The following RIPOR2 variants were observed in gnomAD, a reference collection of about 807,000 sequenced individuals.
The protein encoded by RIPOR2 is RHO family interacting cell polarization regulator 2.
A neutral mutation model predicts 114.5 loss-of-function variants in RIPOR2; 39 were observed. The observed-to-expected ratio is 0.34, with a 90% CI of 0.26 to 0.44. RIPOR2 has a LOEUF of 0.44. RIPOR2 is among the 20% of genes least tolerant of loss of function. The pLI, the probability that RIPOR2 is intolerant of heterozygous loss-of-function variation, is 1.00. For synonymous variants in RIPOR2, 445 were observed against 484.4 expected (o/e 0.92, Z 1.07); for missense variants, 1,007 against 1,255.1 (o/e 0.80, Z 2.99).
intron 1 of RIPOR2, among the ~76,000 whole-genome samples, chr6:25,004,942 T>C (rs539871155): frequency 6.6e-6 from 1 of 151,506 alleles, no homozygotes; most frequent in East Asian, 1.9e-4. Context: ...AAATATGTTA[T>C]GATCTGAATC....
chr6:24,908,208 C>A (rs1038486143), intron 1 of RIPOR2, among the ~76,000 whole-genome samples: 1 of 152,184 alleles, frequency 6.6e-6, no homozygotes, highest in Non-Finnish European at 1.5e-5. Context: ...GAGGGGCACC[C>A]ATTGTGTAAA....
intron 4 of RIPOR2, 115 bp from the exon 5 acceptor site, chr6:24,871,004 C>T (rs762524379): frequency 1.8e-6 from 1 of 570,344 alleles, no homozygotes; most frequent in African/African-American, 1.9e-5. Context: ...ATGATCATCC[C>T]TACAAAATTC....
At chr6:25,038,147 T>C (rs1777328578) in intron 1 of RIPOR2, among the ~76,000 whole-genome samples, 1 of 152,214 alleles carries the variant, frequency 6.6e-6, no homozygotes, top group South Asian at 2.1e-4. Context: ...AAAATTCTCA[T>C]AATAAAAAGT....
At position 25,035,423 on chromosome 6, in the gene RIPOR2, C is replaced by A. The variant is rs553581558; in HGVS notation, c.76+6428G>T. On this transcript the variant is annotated intron_variant, in intron 1 of 13. Coordinates refer to the RIPOR2 transcript ENST00000510784. ...TCCACTTCAGAGCAGAGAAGCCCAG[C>A]CTGAAGCCTAAAATCGCAGCACAAG... 2.0e-5 allele frequency among the ~76,000 whole-genome samples: 3 copies of A among 152,274 alleles called. No individual in the cohort carries two copies. The East Asian group carries it at 5.8e-4, about 29-fold the overall frequency.
intron 14 of RIPOR2, among the ~76,000 whole-genome samples, 170 bp downstream of exon 14, chr6:24,838,921 G>A (rs188180584): frequency 1.3e-5 from 2 of 152,012 alleles, no homozygotes; most frequent in Non-Finnish European, 2.9e-5. Context: ...GAATAATATT[G>A]ACCCTTTTAT....
At chr6:24,947,417 C>T (rs552629080) in intron 1 of RIPOR2, among the ~76,000 whole-genome samples, 1 of 152,286 alleles carries the variant, frequency 6.6e-6, no homozygotes, top group African/African-American at 2.4e-5. Flanking sequence ...GAAGGCTCAA[C>T]CCTGAATGTA....
rs151280013 is a variant in RIPOR2, at chr6:24,884,671, A to G, written c.62-8854T>C. On this transcript the variant is annotated intron_variant, in intron 1 of 21. Transcript: ENST00000643898. ...AAGTCCTAAACTCAGTGAACCTCAC[A>G]CTGTATCTGTAGAGTAAAGGAAGTA... Among the ~76,000 whole-genome samples, 370 of 152,330 alleles carry G rather than the reference A, an allele frequency of 2.4e-3. 1 individual carries two copies. The highest frequency in any genetic ancestry group is 8.5e-3 in the African/African-American group (354 of 41,576).
intron 1 of RIPOR2, among the ~76,000 whole-genome samples, chr6:24,998,121 T>C (rs969357808): frequency 1.3e-5 from 2 of 152,068 alleles, no homozygotes; most frequent in African/African-American, 4.8e-5. Context: ...TAGCCCACAC[T>C]CTTAAACTGC....
Position 24,804,320 on chromosome 6 carries a change from C to T in RIPOR2, c.*2053G>A, listed in dbSNP as rs2113604012. ...CAAAAATAATTTTTATTTTAACTTA[C>T]ATGACTGAAAGATCAATGAATACAA... On this transcript the variant is annotated 3_prime_UTR_variant, in exon 22 of 22. Coordinates refer to ENST00000643898, the MANE Select transcript of RIPOR2 (RefSeq NM_001286445.3). 6.6e-6 allele frequency: 1 copy of T among 152,246 alleles called. No individual in the cohort carries two copies. Among genetic ancestry groups the T allele is most frequent in the South Asian group, 2.1e-4 (1 of 4,824 alleles). The allele number at this position is 152,246 out of a possible 1,614,324, so 9.4% of individuals were successfully genotyped here. A position where few individuals can be genotyped will look rare whatever the true frequency, so the allele number is the denominator to read the frequency against.
chr6:24,944,631 A>C (rs1303963487), intron 1 of RIPOR2, among the ~76,000 whole-genome samples: 2 of 152,358 alleles, frequency 1.3e-5, no homozygotes, highest in East Asian at 3.9e-4. Context: ...TCCCTAATGA[A>C]GCCCAGAAGA....
At chr6:24,875,648 C>T in intron 2 of RIPOR2, 43 bp downstream of exon 2, 1 of 1,584,130 alleles carries the variant, frequency 6.3e-7, no homozygotes, top group Non-Finnish European at 8.6e-7. Context: ...AAGTTCACTT[C>T]CTTGGCAAGC....
intron 1 of RIPOR2, among the ~76,000 whole-genome samples, chr6:24,879,576 C>T (rs1283011580): frequency 1.3e-5 from 2 of 152,044 alleles, no homozygotes; most frequent in African/African-American, 4.8e-5. Context: ...AAAACAAGCA[C>T]GCACACACAC....
At chr6:24,864,598 A>G (rs1256460258) in intron 7 of RIPOR2, among the ~76,000 whole-genome samples, 1 of 152,172 alleles carries the variant, frequency 6.6e-6, no homozygotes, top group East Asian at 1.9e-4. Flanking sequence ...TGGGATAGTG[A>G]GGAGTGCTGC....
At chr6:24,951,478 T>TA (rs1772760154) in intron 1 of RIPOR2, among the ~76,000 whole-genome samples, 1 of 152,230 alleles carries the variant, frequency 6.6e-6, no homozygotes, top group African/African-American at 2.4e-5. Flanking sequence ...AAGACTTCCG[T>TA]AAAAGGATCC....
At chr6:24,879,887 T>C (rs1766190011) in intron 1 of RIPOR2, among the ~76,000 whole-genome samples, 1 of 152,206 alleles carries the variant, frequency 6.6e-6, no homozygotes, top group Non-Finnish European at 1.5e-5. Context: ...TGTCCCCAGC[T>C]TTCAGAAAAA....
intron 1 of RIPOR2, among the ~76,000 whole-genome samples, chr6:25,022,532 ATTTTTTTTTTTTTTTTTTTTTTTTTT>A (rs10564019): frequency 1.7e-4 from 7 of 40,950 alleles, no homozygotes; most frequent in Non-Finnish European, 2.4e-4. Flanking sequence ...GGTACCTTCC[ATTTTTTTTTTTTTTTTTTTTTTTTTT>A]TTTTTTTTTT....
At chr6:24,868,454 T>C (rs1384059363) in intron 6 of RIPOR2, among the ~76,000 whole-genome samples, 1 of 152,154 alleles carries the variant, frequency 6.6e-6, no homozygotes, top group Admixed American at 6.5e-5. Flanking sequence ...AGGTAAATAT[T>C]TTCTAGGTGG....
At chr6:24,987,875 A>ACCAGGC (rs1409272911) in intron 1 of RIPOR2, among the ~76,000 whole-genome samples, 1 of 152,218 alleles carries the variant, frequency 6.6e-6, no homozygotes, top group Non-Finnish European at 1.5e-5. Context: ...TAAAAAATAA[A>ACCAGGC]CCAGGCCTAT....
At chr6:25,010,165 A>G (rs572337564) in intron 1 of RIPOR2, among the ~76,000 whole-genome samples, 7 of 152,096 alleles carry the variant, frequency 4.6e-5, no homozygotes, top group Admixed American at 1.3e-4. Context: ...TTTAATCCCA[A>G]TGTTGGAGGT....
Sources: allele counts gnomAD v4.1 joint callset (sites outside exome capture counted in the v4.1 genomes callset), GRCh38; gene constraint gnomAD v4.1.1; transcripts MANE v1.5; gene names NCBI Gene and HGNC (gene_info 2026-07-23, HGNC 2026-07-21).